HIVEP2: variants seen among roughly 807,000 people sequenced by gnomAD.
HIVEP2 encodes the protein HIVEP zinc finger 2.
In HIVEP2, 14 loss-of-function variants were observed where a neutral mutation model predicts 180.7. The ratio of observed to expected loss-of-function variants is 0.08; its 90% CI spans 0.05 to 0.12. The LOEUF (loss-of-function observed/expected upper bound fraction) is 0.12, where lower values mean the gene tolerates loss of function less well. Ranked by LOEUF, HIVEP2 falls within the 10% of genes least tolerant of loss-of-function variation. The pLI is 1.00. For missense variants in HIVEP2, 2,579 were observed against 3,008.5 expected, an observed-to-expected ratio of 0.86 and a Z score of 3.34; for synonymous variants, 1,184 against 1,136.4, an observed-to-expected ratio of 1.04 and a Z score of -0.84.
At chr6:142,873,312 T>G (rs1776344538) in intron 1 of HIVEP2, among the ~76,000 whole-genome samples, 1 of 152,194 alleles carries the variant, frequency 6.6e-6, no homozygotes, top group African/African-American at 2.4e-5. Flanking sequence ...AGCAGACTTT[T>G]TTCTTATCTC....
chr6:142,754,863 T>C (rs1775025043), intron 9 of HIVEP2, among the ~76,000 whole-genome samples: 1 of 152,232 alleles, frequency 6.6e-6, no homozygotes, highest in Non-Finnish European at 1.5e-5. Flanking sequence ...TTTTCTATAC[T>C]GTTTCTGTAG....
chr6:142,813,647 T>G (rs553585463), intron 2 of HIVEP2, among the ~76,000 whole-genome samples: 40 of 150,702 alleles, frequency 2.7e-4, no homozygotes, highest in African/African-American at 9.7e-4. Context: ...CAATTATGGC[T>G]CATTGCAGCC....
rs760175284 is a variant in HIVEP2, at chr6:142,759,995, C to T, written c.6293G>A (p.Arg2098Lys). The T allele has an allele frequency of 2.5e-6, 4 of 1,613,880 alleles. No homozygotes were observed. The highest frequency in any genetic ancestry group is 1.7e-5 in the Admixed American group (1 of 59,972). Residue 2098 changes from arginine (R) to lysine (K), a missense_variant, in exon 9 of 10, where the codon AGA (arginine) becomes AAA (lysine). Around this residue, in one of 11 missense-constraint regions of HIVEP2, gnomAD observed 660 missense variants for 731.7 expected, o/e 0.90. Coordinates refer to ENST00000367603, the MANE Select transcript of HIVEP2 (RefSeq NM_006734.4). ...LSPRKEAALR[R>K]EMSQRDVSPR... ...TGAAACATCTCTTTGGGACATCTCT[C>T]TTCTCAATGCAGCTTCCTTTCTTGG...
intron 2 of HIVEP2, among the ~76,000 whole-genome samples, chr6:142,808,479 G>GGGAT (rs1776608710): frequency 6.8e-6 from 1 of 146,726 alleles, no homozygotes. Context: ...AGATGTGGGA[G>GGGAT]GGATGGATGG....
intron 1 of HIVEP2, among the ~76,000 whole-genome samples, chr6:142,884,391 T>C (rs1776647802): frequency 6.6e-6 from 1 of 152,144 alleles, no homozygotes; most frequent in African/African-American, 2.4e-5. Flanking sequence ...AAAATCAATT[T>C]TGCCTAAATG....
At chr6:142,817,289 C>G (rs1302227886) in intron 2 of HIVEP2, among the ~76,000 whole-genome samples, 1 of 152,176 alleles carries the variant, frequency 6.6e-6, no homozygotes, top group Non-Finnish European at 1.5e-5. Flanking sequence ...ATGGTTGTAG[C>G]CAATGCTAGA....
Position 142,769,652 on chromosome 6 carries a change from G to A in HIVEP2, c.5087C>T (p.Ser1696Phe), listed in dbSNP as rs566948180. The part of the protein sequence containing the change: ...NTKTTLALLR[S>F]KQKITAEIYT... ...AATTTCTGCAGTGATTTTTTGCTTG[G>A]ACCTCAGAAGAGCCAGCGTGGTCTT... The change falls in exon 5 of 10, where the codon TCC (serine) becomes TTC (phenylalanine). Residue 1696 changes from serine to phenylalanine, a missense_variant. This residue lies in a region of HIVEP2 where 349 missense variants were observed against 367.2 expected (regional missense o/e 0.95). Transcript: ENST00000367603. The A allele has an allele frequency of 2.6e-4, 415 of 1,614,134 alleles. 2 individuals are homozygous for A. The South Asian group carries it at 4.3e-3, about 17-fold the overall frequency.
At chr6:142,756,736 AACCATGCGTAGTAG>A (rs934288238) in intron 9 of HIVEP2, among the ~76,000 whole-genome samples, 3 of 152,160 alleles carry the variant, frequency 2.0e-5, no homozygotes, top group African/African-American at 7.2e-5. Context: ...CTCAACCTCG[AACCATGCGTAGTAG>A]ACCCTCAAAA....
intron 1 of HIVEP2, among the ~76,000 whole-genome samples, chr6:142,845,254 T>C (rs1254031378): frequency 6.6e-6 from 1 of 152,176 alleles, no homozygotes; most frequent in African/African-American, 2.4e-5. Flanking sequence ...CTGTGGGAAA[T>C]ATTAGTAATC....
At chr6:142,941,019 A>C (rs991201758) in intron 1 of HIVEP2, among the ~76,000 whole-genome samples, 2 of 152,258 alleles carry the variant, frequency 1.3e-5, no homozygotes, top group Non-Finnish European at 2.9e-5. Flanking sequence ...GGAAATCTAA[A>C]GTTATAGACA....
chr6:142,793,061 A>G (rs555730676), intron 2 of HIVEP2, among the ~76,000 whole-genome samples: 9 of 152,182 alleles, frequency 5.9e-5, no homozygotes, highest in African/African-American at 2.2e-4. Flanking sequence ...CTTAGGAAAA[A>G]CACTACTTCT....
intron 1 of HIVEP2, among the ~76,000 whole-genome samples, chr6:142,892,721 T>C (rs563979328): frequency 1.3e-5 from 2 of 152,218 alleles, no homozygotes; most frequent in Admixed American, 6.5e-5. Context: ...CAATACTGAA[T>C]AACACACAAT....
intron 2 of HIVEP2, among the ~76,000 whole-genome samples, chr6:142,793,673 T>TTCTTTCTCTCTCTCTCTCTCTCTCTC (rs1289211652): frequency 9.3e-6 from 1 of 107,514 alleles, no homozygotes; most frequent in African/African-American, 3.7e-5. Context: ...CTTTCTTTCT[T>TTCTTTCTCTCTCTCTCTCTCTCTCTC]TCTCTCTCTC....
intron 2 of HIVEP2, among the ~76,000 whole-genome samples, chr6:142,791,129 A>G (rs1213140549): frequency 3.3e-5 from 5 of 152,116 alleles, no homozygotes; most frequent in Non-Finnish European, 7.4e-5. Flanking sequence ...GTAGAGATAT[A>G]CAACCTCAGG....
chr6:142,873,644 C>T lies in HIVEP2; in HGVS notation c.-640-36597G>A, dbSNP rs184639817. Among the ~76,000 whole-genome samples the T allele has an allele frequency of 1.3e-3, 205 of 152,194 alleles. 2 individuals are homozygous for T. The highest frequency in any genetic ancestry group is 4.7e-3 in the African/African-American group (195 of 41,522). Reference sequence around the variant, plus strand: ...TGGATTGAGAGAAATACACCATTTGCGTATACTGAATCTGGCATGATCATA... The same window carrying T: ...TGGATTGAGAGAAATACACCATTTGTGTATACTGAATCTGGCATGATCATA... On this transcript the variant is annotated intron_variant, in intron 1 of 9. Transcript: ENST00000367603.
intron 9 of HIVEP2, among the ~76,000 whole-genome samples, chr6:142,756,960 A>G (rs1432445057): frequency 6.6e-6 from 1 of 152,148 alleles, no homozygotes. Flanking sequence ...TGAGTGGGGT[A>G]ATAGAACTGG....
chr6:142,886,857 G>T (rs1040989359), intron 1 of HIVEP2, among the ~76,000 whole-genome samples: 6 of 152,168 alleles, frequency 3.9e-5, no homozygotes, highest in African/African-American at 1.4e-4. Flanking sequence ...TTAACAAAAT[G>T]ACATTTCTCT....
chr6:142,851,542 G>A (rs1431376284), intron 1 of HIVEP2, among the ~76,000 whole-genome samples: 1 of 152,208 alleles, frequency 6.6e-6, no homozygotes, highest in African/African-American at 2.4e-5. Context: ...TATGAGGCAG[G>A]TACAATTATT....
At chr6:142,818,755 AAGAAAGAAAG>A in intron 2 of HIVEP2, among the ~76,000 whole-genome samples, 1 of 146,968 alleles carries the variant, frequency 6.8e-6, no homozygotes, top group Non-Finnish European at 1.5e-5. Flanking sequence ...GAAAGAAAGA[AAGAAAGAAAG>A]AAAGAAAGAA....
Sources: allele counts gnomAD v4.1 joint callset (sites outside exome capture counted in the v4.1 genomes callset), GRCh38; gene constraint gnomAD v4.1.1; regional missense constraint gnomAD v4.1.1; transcripts MANE v1.5; gene names NCBI Gene and HGNC (gene_info 2026-07-23, HGNC 2026-07-21).